Variants in ZNF695 observed in about 807,000 individuals in gnomAD.
The protein encoded by ZNF695 is zinc finger protein 695.
A neutral mutation model predicts 11.2 loss-of-function variants in ZNF695; 11 were observed. That is an observed-to-expected ratio of 0.98 (90% CI 0.62 to 1.62). ZNF695 has a LOEUF of 1.62. Ranked by LOEUF, ZNF695 falls within the 40% of genes most tolerant of loss-of-function variation. The probability of loss-of-function intolerance (pLI) is 0.00; values close to 1 mark genes in which losing one functional copy is unlikely to be tolerated. For synonymous variants in ZNF695, 190 were observed against 201.4 expected, an observed-to-expected ratio of 0.94 and a Z score of 0.48; for missense variants, 559 against 590.5, an observed-to-expected ratio of 0.95 and a Z score of 0.55.
downstream of ZNF695, among the ~76,000 whole-genome samples, chr1:246,983,076 C>T (rs553949927): frequency 5.3e-5 from 8 of 151,802 alleles, no homozygotes; most frequent in African/African-American, 1.4e-4. Context: ...TGGTGGCGGG[C>T]GCCTGCAGTC....
chr1:247,008,013 C>G lies in ZNF695; in HGVS notation c.-105G>C, dbSNP rs547233892. 3.1e-6 allele frequency: 4 copies of G among 1,298,790 alleles called. No individual in the cohort carries two copies. The highest frequency in any genetic ancestry group is 3.0e-6 in the Non-Finnish European group (3 of 991,290). 80.5% of individuals were successfully genotyped at this position (1,298,790 alleles called of 1,614,324 possible). Reference sequence around the variant, plus strand: ...CAGTCACCCGGGACTCTCCGAGAGGCAGCAGACGGGAACCCAGCACCCCGC... The same window carrying G: ...CAGTCACCCGGGACTCTCCGAGAGGGAGCAGACGGGAACCCAGCACCCCGC... On this transcript the variant is annotated 5_prime_UTR_variant, in exon 1 of 4. Coordinates refer to ENST00000339986, the MANE Select transcript of ZNF695 (RefSeq NM_020394.5).
At chr1:247,007,692 C>T (rs943872473) in intron 1 of ZNF695, among the ~76,000 whole-genome samples, 13 of 152,012 alleles carry the variant, frequency 8.6e-5, no homozygotes, top group Non-Finnish European at 1.6e-4. Flanking sequence ...AGGCAGAGAC[C>T]GGACAGTCAC....
intron 4 of ZNF695, among the ~76,000 whole-genome samples, chr1:246,973,678 C>T (rs564138599): frequency 4.6e-5 from 7 of 152,148 alleles, no homozygotes; most frequent in African/African-American, 1.7e-4. Context: ...GATTCGTACA[C>T]AATTATCTTG....
At chr1:246,993,487 C>T (rs1669103956) in intron 3 of ZNF695, among the ~76,000 whole-genome samples, 1 of 151,970 alleles carries the variant, frequency 6.6e-6, no homozygotes, top group Admixed American at 6.6e-5. Flanking sequence ...TGAGAGGCTC[C>T]CATAATCTCT....
chr1:246,984,860 G>C (rs1668806943), downstream of ZNF695, among the ~76,000 whole-genome samples: 2 of 152,260 alleles, frequency 1.3e-5, no homozygotes, highest in South Asian at 4.1e-4. Context: ...TCCCTGAGAA[G>C]ATCACATAAG....
chr1:246,966,389 G>A (rs1376570047), intron 5 of ZNF695, among the ~76,000 whole-genome samples: 2 of 152,166 alleles, frequency 1.3e-5, no homozygotes, highest in Non-Finnish European at 2.9e-5. Flanking sequence ...GCTGAGGCAG[G>A]AGAATTACTT....
chr1:246,950,111 G>A (rs1037825470), intron 5 of ZNF695, among the ~76,000 whole-genome samples: 1 of 152,138 alleles, frequency 6.6e-6, no homozygotes, highest in Non-Finnish European at 1.5e-5. Flanking sequence ...AGTTCCTGAT[G>A]TAACTCACCA....
intron 1 of ZNF695, among the ~76,000 whole-genome samples, chr1:247,007,266 G>A (rs1173114003): frequency 1.3e-5 from 2 of 152,112 alleles, no homozygotes. Context: ...AGCACTTTGG[G>A]AGGCCGAGGC....
Position 246,988,188 on chromosome 1 carries a change from C to A in ZNF695, c.327G>T (p.Val109=), listed in dbSNP as rs771141306. The change falls in exon 4 of 4, where the codon GTG becomes GTT. Residue 109 remains valine (V), a synonymous_variant. Coordinates refer to ENST00000339986, the MANE Select transcript of ZNF695 (RefSeq NM_020394.5). ...AACATCTTTCATATCTTCTCAGCAT[C>A]ACTTTTTGGAATGAAACTTGCAGGC... The part of the protein sequence containing the change: ...EQGLQVSFQK[V]MLRRYERCCL... The A allele has an allele frequency of 6.2e-7, 1 of 1,606,164 alleles. No homozygotes were observed. Among genetic ancestry groups the A allele is most frequent in the Non-Finnish European group, 8.5e-7 (1 of 1,177,502 alleles).
chr1:246,960,215 G>A (rs1668128468), intron 5 of ZNF695, among the ~76,000 whole-genome samples: 2 of 152,216 alleles, frequency 1.3e-5, no homozygotes, highest in African/African-American at 4.8e-5. Flanking sequence ...CAAAGAAATT[G>A]TAAACATATC....
intron 1 of ZNF695, among the ~76,000 whole-genome samples, chr1:247,003,600 C>T (rs1669452081): frequency 1.3e-5 from 2 of 152,078 alleles, no homozygotes; most frequent in South Asian, 4.1e-4. Context: ...CTAAAATAAA[C>T]ATTGGAAAAG....
chr1:246,981,183 C>T (rs1668701634), downstream of ZNF695, among the ~76,000 whole-genome samples: 1 of 152,190 alleles, frequency 6.6e-6, no homozygotes, highest in Non-Finnish European at 1.5e-5. Context: ...TATGAGGTAT[C>T]ACCTCACTCT....
intron 5 of ZNF695, among the ~76,000 whole-genome samples, chr1:246,965,479 G>A (rs1668265653): frequency 6.6e-6 from 1 of 152,134 alleles, no homozygotes; most frequent in Non-Finnish European, 1.5e-5. Context: ...GCTCACGCCT[G>A]TAATCCCAGT....
rs190476379 is a variant in ZNF695, at chr1:246,999,291, G to T, written c.259+57C>A. The stretch of plus-strand genomic sequence containing the variant: ...TTCCCAAACCACAGTTTAAAGTCTG[G>T]CTTCTTCCTTGATCCTTCAACCCCT... On this transcript the variant is annotated intron_variant, in intron 3 of 3. Coordinates refer to ENST00000339986, the MANE Select transcript of ZNF695 (RefSeq NM_020394.5). 1.7e-4 allele frequency: 239 copies of T among 1,405,810 alleles called. 1 individual carries two copies. Among genetic ancestry groups the T allele is most frequent in the Non-Finnish European group, 2.3e-4 (225 of 991,398 alleles). The allele number at this position is 1,405,810 out of a possible 1,614,324, so 87.1% of individuals were successfully genotyped here.
intron 3 of ZNF695, among the ~76,000 whole-genome samples, chr1:246,996,594 G>A (rs931874251): frequency 1.3e-5 from 2 of 152,062 alleles, no homozygotes; most frequent in Admixed American, 1.3e-4. Flanking sequence ...CAGGAAATCT[G>A]GTAAAATCTA....
chr1:246,969,642 TC>T (rs1423433700), intron 4 of ZNF695: 1 of 152,230 alleles, frequency 6.6e-6, no homozygotes, highest in Non-Finnish European at 1.5e-5. Context: ...TAGTTCATTC[TC>T]ACATTGTTAT....
At chr1:247,005,843 A>T (rs931562314) in intron 1 of ZNF695, among the ~76,000 whole-genome samples, 1 of 152,238 alleles carries the variant, frequency 6.6e-6, no homozygotes, top group African/African-American at 2.4e-5. Context: ...ACACTGGCTG[A>T]GTAAAGATTT....
At chr1:247,001,989 C>T (rs539668491) in intron 1 of ZNF695, among the ~76,000 whole-genome samples, 1 of 152,100 alleles carries the variant, frequency 6.6e-6, no homozygotes, top group African/African-American at 2.4e-5. Context: ...AACAAACGGA[C>T]GTAATACACA....
intron 3 of ZNF695, among the ~76,000 whole-genome samples, chr1:246,998,900 G>A (rs1452501087): frequency 6.6e-6 from 1 of 151,938 alleles, no homozygotes; most frequent in Admixed American, 6.6e-5. Context: ...CCCAGGAGGT[G>A]GGGCTTGTAG....
Sources: allele counts gnomAD v4.1 joint callset (sites outside exome capture counted in the v4.1 genomes callset), GRCh38; gene constraint gnomAD v4.1.1; transcripts MANE v1.5; gene names NCBI Gene and HGNC (gene_info 2026-07-23, HGNC 2026-07-21).